The following GALNT13 variants were observed in gnomAD, a reference collection of about 807,000 sequenced individuals.
The protein encoded by GALNT13 is polypeptide N-acetylgalactosaminyltransferase 13, also known as UDP-GalNAc:polypeptide N-acetylgalactosaminyltransferase 13.
Under a neutral mutation model 64.2 loss-of-function variants are expected in GALNT13, and 28 were observed. That is an observed-to-expected ratio of 0.44 (90% CI 0.32 to 0.60). The LOEUF (loss-of-function observed/expected upper bound fraction) is 0.60. Among genes scored for constraint, GALNT13 ranks in the 20% least tolerant of loss-of-function variants. The pLI, the probability that GALNT13 is intolerant of heterozygous loss-of-function variation, is 0.05. For synonymous variants in GALNT13, 214 were observed against 224.6 expected (o/e 0.95, Z 0.42); for missense variants, 577 against 669.8 (o/e 0.86, Z 1.53).
At chr2:154,085,071 A>G (rs1017209481) in intron 3 of GALNT13, among the ~76,000 whole-genome samples, 1 of 151,928 alleles carries the variant, frequency 6.6e-6, no homozygotes, top group Non-Finnish European at 1.5e-5. Context: ...CAACTGATCT[A>G]TATTTATGTT....
chr2:153,438,991 C>T, the GALNT13 span, among the ~76,000 whole-genome samples: 3 of 151,968 alleles, frequency 2.0e-5, no homozygotes, highest in South Asian at 2.1e-4. Flanking sequence ...CGTACAGATG[C>T]GTTTTTGGTG....
chr2:153,081,737 C>A, the GALNT13 span, among the ~76,000 whole-genome samples: 1 of 152,170 alleles, frequency 6.6e-6, no homozygotes, highest in East Asian at 1.9e-4. Flanking sequence ...CCGCTATGTA[C>A]ATGTACCACA....
chr2:153,976,662 C>A (rs745500056), intron 3 of GALNT13, among the ~76,000 whole-genome samples: 1 of 151,876 alleles, frequency 6.6e-6, no homozygotes, highest in Non-Finnish European at 1.5e-5. Flanking sequence ...AAACAAAAGC[C>A]ATTCATTTAG....
the GALNT13 span, among the ~76,000 whole-genome samples, chr2:153,119,018 T>C: frequency 0.28 from 42,740 of 151,818 alleles, 6,266 homozygotes; most frequent in Middle Eastern, 0.35. Flanking sequence ...TGAAGTCTTA[T>C]AGTTTTATAA....
chr2:153,325,847 C>T, the GALNT13 span, among the ~76,000 whole-genome samples: 2 of 152,128 alleles, frequency 1.3e-5, no homozygotes, highest in South Asian at 2.1e-4. Flanking sequence ...TTTGATTGCC[C>T]TGTGGTCTGA....
chr2:154,355,649 C>T (rs1574147921), intron 9 of GALNT13, among the ~76,000 whole-genome samples: 1 of 151,968 alleles, frequency 6.6e-6, no homozygotes, highest in Non-Finnish European at 1.5e-5. Context: ...TAACTGATAA[C>T]CCCAGAGTTT....
chr2:153,367,565 G>T, the GALNT13 span, among the ~76,000 whole-genome samples: 1 of 152,064 alleles, frequency 6.6e-6, no homozygotes, highest in Non-Finnish European at 1.5e-5. Flanking sequence ...AAAACATGCA[G>T]GTGGCCTTTA....
chr2:154,080,467 T>C (rs554656339), intron 3 of GALNT13, among the ~76,000 whole-genome samples: 44 of 151,714 alleles, frequency 2.9e-4, no homozygotes, highest in Non-Finnish European at 4.6e-4. Flanking sequence ...AGGAAATTGC[T>C]CTGTAAATAT....
chr2:153,671,643 T>G, the GALNT13 span, among the ~76,000 whole-genome samples: 2 of 152,100 alleles, frequency 1.3e-5, no homozygotes, highest in Non-Finnish European at 2.9e-5. Context: ...ACTGCATCAA[T>G]TAATAGGCAA....
Position 154,264,566 on chromosome 2 carries a change from G to A in GALNT13, c.975+5428G>A, listed in dbSNP as rs141888479. Among the ~76,000 whole-genome samples, 503 of 151,896 alleles carry A rather than the reference G, an allele frequency of 3.3e-3. 4 individuals are homozygous for A. The highest frequency in any genetic ancestry group is 0.012 in the African/African-American group (490 of 41,442). The stretch of plus-strand genomic sequence containing the variant: ...GTAGAAGAATCGCTTGAACCCAGGA[G>A]GCAGAGGTTGCAGTGAGCCGAGATC... On this transcript the variant is annotated intron_variant, in intron 8 of 12. Transcript: ENST00000392825.
the GALNT13 span, among the ~76,000 whole-genome samples, chr2:153,450,564 C>A: frequency 7.7e-6 from 1 of 129,128 alleles, no homozygotes; most frequent in Non-Finnish European, 1.7e-5. Flanking sequence ...GAGTCCTATA[C>A]CCCTAGGTTT....
the GALNT13 span, among the ~76,000 whole-genome samples, chr2:153,192,503 G>T: frequency 6.6e-6 from 1 of 152,074 alleles, no homozygotes; most frequent in African/African-American, 2.4e-5. Context: ...GTAAATGTTT[G>T]TTAGGGCCAT....
the GALNT13 span, among the ~76,000 whole-genome samples, chr2:153,388,721 A>G: frequency 6.6e-6 from 1 of 152,064 alleles, no homozygotes; most frequent in African/African-American, 2.4e-5. Flanking sequence ...TTGCTAGGCC[A>G]TTGGGTGGGT....
the GALNT13 span, among the ~76,000 whole-genome samples, chr2:153,727,659 G>C: frequency 2.0e-5 from 3 of 151,988 alleles, no homozygotes; most frequent in Non-Finnish European, 4.4e-5. Context: ...TATATTTTGG[G>C]TGTATAAAAC....
At chr2:154,368,749 A>G (rs1387395182) in intron 9 of GALNT13, among the ~76,000 whole-genome samples, 1 of 152,194 alleles carries the variant, frequency 6.6e-6, no homozygotes, top group African/African-American at 2.4e-5. Context: ...GGCCTGGGAC[A>G]GAGGAAACTC....
chr2:153,796,199 T>G, the GALNT13 span, among the ~76,000 whole-genome samples: 1 of 152,200 alleles, frequency 6.6e-6, no homozygotes, highest in Non-Finnish European at 1.5e-5. Flanking sequence ...GCATCAGTAT[T>G]GTCTACTTGA....
At chr2:153,291,119 A>G in the GALNT13 span, among the ~76,000 whole-genome samples, 2 of 152,226 alleles carry the variant, frequency 1.3e-5, no homozygotes, top group African/African-American at 4.8e-5. Flanking sequence ...TTAAAGATCC[A>G]CTAATACTGA....
intron 10 of GALNT13, among the ~76,000 whole-genome samples, chr2:154,405,289 C>T (rs1018693615): frequency 3.3e-5 from 5 of 151,134 alleles, no homozygotes; most frequent in African/African-American, 7.3e-5. Context: ...TGAATAATAC[C>T]GAGAGCATGC....
intron 4 of GALNT13, among the ~76,000 whole-genome samples, chr2:154,213,515 A>G (rs745764574): frequency 6.6e-6 from 1 of 152,314 alleles, no homozygotes; most frequent in Non-Finnish European, 1.5e-5. Flanking sequence ...CCAAGTTAAT[A>G]TAACAGATAT....
Sources: allele counts gnomAD v4.1 joint callset (sites outside exome capture counted in the v4.1 genomes callset), GRCh38; gene constraint gnomAD v4.1.1; transcripts MANE v1.5; gene names NCBI Gene and HGNC (gene_info 2026-07-23, HGNC 2026-07-21).